Variants in LEKR1 observed in about 807,000 individuals in gnomAD.
LEKR1 encodes protein LEKR1.
LEKR1 carries 59 observed loss-of-function variants against 72.4 expected under a neutral mutation model. The ratio of observed to expected loss-of-function variants is 0.82; its 90% CI spans 0.66 to 1.01. LEKR1 has a LOEUF of 1.01. Ranked by LOEUF, LEKR1 falls within the 50% of genes least tolerant of loss-of-function variation. The probability of loss-of-function intolerance (pLI) is 0.00; values close to 1 mark genes in which losing one functional copy is unlikely to be tolerated. For synonymous variants in LEKR1, 257 were observed against 263.2 expected (o/e 0.98, Z 0.23); for missense variants, 728 against 759.2 (o/e 0.96, Z 0.48).
At chr3:156,840,508 A>G (rs966459868) in intron 2 of LEKR1, among the ~76,000 whole-genome samples, 12 of 152,230 alleles carry the variant, frequency 7.9e-5, no homozygotes, top group Admixed American at 5.2e-4. Flanking sequence ...TTTATCATCA[A>G]TCTTTCGGGT....
intron 6 of LEKR1, among the ~76,000 whole-genome samples, chr3:156,952,641 A>C (rs1389471717): frequency 6.6e-6 from 1 of 151,506 alleles, no homozygotes; most frequent in East Asian, 1.9e-4. Context: ...TACTCTAGAG[A>C]CTAGTTTTCA....
chr3:157,011,211 G>T (rs987645029), intron 9 of LEKR1, among the ~76,000 whole-genome samples: 7 of 151,914 alleles, frequency 4.6e-5, no homozygotes, highest in African/African-American at 1.5e-4. Flanking sequence ...ATTAAGCCTG[G>T]GAAAAATACC....
intron 3 of LEKR1, among the ~76,000 whole-genome samples, chr3:156,897,953 CAA>C (rs553211208): frequency 8.2e-4 from 78 of 94,794 alleles, no homozygotes; most frequent in Admixed American, 1.0e-3. Context: ...ACTCTGTCTC[CAA>C]AAAAAAAAAA....
At chr3:156,872,577 A>G (rs965155746) in intron 3 of LEKR1, among the ~76,000 whole-genome samples, 3 of 151,970 alleles carry the variant, frequency 2.0e-5, no homozygotes, top group Non-Finnish European at 4.4e-5. Context: ...ATAGGTGTTT[A>G]TTGCTAAAAG....
chr3:157,043,465 TTC>T (rs1735517535), intron 12 of LEKR1, among the ~76,000 whole-genome samples: 1 of 152,004 alleles, frequency 6.6e-6, no homozygotes, highest in Admixed American at 6.6e-5. Context: ...TTTTTTTTTT[TTC>T]AGTGTCCTGG....
At chr3:156,871,405 C>T (rs560712421) in intron 3 of LEKR1, among the ~76,000 whole-genome samples, 5 of 152,218 alleles carry the variant, frequency 3.3e-5, no homozygotes, top group East Asian at 1.9e-4. Context: ...TGAATAATGC[C>T]GCAATAAACA....
intron 4 of LEKR1, among the ~76,000 whole-genome samples, chr3:156,926,090 T>C (rs1724694757): frequency 1.3e-5 from 2 of 152,046 alleles, no homozygotes; most frequent in South Asian, 4.1e-4. Context: ...TCTTGGGTTA[T>C]TTGATAATCT....
chr3:156,877,491 C>T (rs974194799), intron 3 of LEKR1, among the ~76,000 whole-genome samples: 1 of 152,062 alleles, frequency 6.6e-6, no homozygotes, highest in African/African-American at 2.4e-5. Flanking sequence ...GTTTTAGTCT[C>T]ACTGCTTGTT....
Position 156,970,971 on chromosome 3 carries a change from C to G in LEKR1, c.746-8223C>G, listed in dbSNP as rs553711199. On this transcript the variant is annotated intron_variant, in intron 6 of 12. Transcript: ENST00000356539. ...ATCAAGCTACCAATGACTTTCTTCA[C>G]AGAATTGGAAAAAACTACTTTAAAG... Among the ~76,000 whole-genome samples, 913 of 151,640 alleles carry G rather than the reference C, an allele frequency of 6.0e-3. 10 individuals are homozygous for G. Among genetic ancestry groups the G allele is most frequent in the African/African-American group, 0.021 (869 of 41,324 alleles).
chr3:156,967,482 A>C (rs1728735102), intron 6 of LEKR1, among the ~76,000 whole-genome samples: 1 of 152,260 alleles, frequency 6.6e-6, no homozygotes, highest in Non-Finnish European at 1.5e-5. Flanking sequence ...ATGAATGCAC[A>C]AGCCTCATTA....
chr3:157,045,115 C>G (rs868213553), intron 12 of LEKR1, among the ~76,000 whole-genome samples: 15 of 152,330 alleles, frequency 9.8e-5, no homozygotes, highest in Middle Eastern at 3.4e-3. Context: ...GACTCCTCAT[C>G]TGCAAACTGC....
intron 6 of LEKR1, among the ~76,000 whole-genome samples, chr3:156,955,798 T>C (rs1283505230): frequency 1.3e-5 from 2 of 151,752 alleles, no homozygotes; most frequent in Non-Finnish European, 2.9e-5. Flanking sequence ...TATATTGGCC[T>C]GAAGTTTTCT....
chr3:156,943,852 A>C (rs1257735781), intron 6 of LEKR1, among the ~76,000 whole-genome samples: 1 of 151,912 alleles, frequency 6.6e-6, no homozygotes, highest in Non-Finnish European at 1.5e-5. Context: ...AGTATGCAAC[A>C]GATAAAAATT....
At chr3:156,827,712 C>T (rs1394877467) in intron 1 of LEKR1, among the ~76,000 whole-genome samples, 1 of 152,146 alleles carries the variant, frequency 6.6e-6, no homozygotes, top group Non-Finnish European at 1.5e-5. Flanking sequence ...TAGTTTCCCC[C>T]CGATAATCAG....
intron 6 of LEKR1, among the ~76,000 whole-genome samples, chr3:156,969,980 A>G (rs961995470): frequency 5.3e-5 from 8 of 152,238 alleles, no homozygotes; most frequent in Non-Finnish European, 8.8e-5. Flanking sequence ...ATGCAAATCA[A>G]TAAACATAAT....
chr3:156,935,348 C>CT (rs1725594986), intron 5 of LEKR1, among the ~76,000 whole-genome samples: 1 of 152,018 alleles, frequency 6.6e-6, no homozygotes, highest in African/African-American at 2.4e-5. Context: ...ATTATAAGAG[C>CT]TTTTTTTGCC....
At chr3:156,940,774 G>A (rs1726129049) in intron 5 of LEKR1, among the ~76,000 whole-genome samples, 1 of 152,084 alleles carries the variant, frequency 6.6e-6, no homozygotes, top group South Asian at 2.1e-4. Context: ...ATGTTAGATA[G>A]AAAGTCACAT....
chr3:156,874,703 C>T lies in LEKR1; in HGVS notation c.263+21721C>T, dbSNP rs79350242. Among the ~76,000 whole-genome samples, 3 of 152,108 alleles carry T rather than the reference C, an allele frequency of 2.0e-5. No individual in the cohort carries two copies. The East Asian group carries it at 5.8e-4, about 29-fold the overall frequency. Reference sequence around the variant, plus strand: ...CTCAAGTCCCTCCTGCTCTTCCCCCCAAGTTCCCTAAGTTCATTATATTAT... The same window carrying T: ...CTCAAGTCCCTCCTGCTCTTCCCCCTAAGTTCCCTAAGTTCATTATATTAT... On this transcript the variant is annotated intron_variant, in intron 3 of 12. Transcript: ENST00000356539.
intron 3 of LEKR1, among the ~76,000 whole-genome samples, chr3:156,908,645 A>G (rs1182059803): frequency 6.6e-6 from 1 of 152,096 alleles, no homozygotes; most frequent in African/African-American, 2.4e-5. Context: ...GCTTATCTTG[A>G]AGTTTTCTTG....
Sources: allele counts gnomAD v4.1 joint callset (sites outside exome capture counted in the v4.1 genomes callset), GRCh38; gene constraint gnomAD v4.1.1; transcripts MANE v1.5; gene names NCBI Gene and HGNC (gene_info 2026-07-23, HGNC 2026-07-21).